The following HK2 variants were observed in gnomAD, a reference collection of about 807,000 sequenced individuals.
The protein encoded by HK2 is hexokinase-2.
A neutral mutation model predicts 92.9 loss-of-function variants in HK2; 42 were observed. That is an observed-to-expected ratio of 0.45 (90% CI 0.35 to 0.58). The LOEUF (loss-of-function observed/expected upper bound fraction) is 0.58. HK2 is among the 20% of genes least tolerant of loss of function. The pLI is 0.00. For synonymous variants in HK2, 422 were observed against 468.0 expected (o/e 0.90, Z 1.27); for missense variants, 978 against 1,245.1 (o/e 0.79, Z 3.23).
At chr2:74,881,947 C>T in intron 11 of HK2, 88 bp downstream of exon 11, 1 of 1,519,746 alleles carries the variant, frequency 6.6e-7, no homozygotes, top group Non-Finnish European at 9.1e-7. Flanking sequence ...TCATCTGTGA[C>T]CCTGGGGAGG....
chr2:74,835,767 T>G (rs1276959617), intron 1 of HK2, among the ~76,000 whole-genome samples: 4 of 152,200 alleles, frequency 2.6e-5, no homozygotes, highest in Non-Finnish European at 5.9e-5. Context: ...GGGAGGTTGT[T>G]TTAAGAGCTG....
chr2:74,845,638 C>T (rs1470353145), intron 1 of HK2, among the ~76,000 whole-genome samples: 2 of 152,232 alleles, frequency 1.3e-5, no homozygotes, highest in East Asian at 1.9e-4. Context: ...CCCGCTGCCT[C>T]GGGTTTGTGA....
chr2:74,887,641 G>A (rs562053228), intron 15 of HK2, among the ~76,000 whole-genome samples: 14 of 152,088 alleles, frequency 9.2e-5, no homozygotes, highest in African/African-American at 3.4e-4. Flanking sequence ...TCCTTTCCCT[G>A]TGGGTTCCTT....
chr2:74,860,415 C>A (rs1558794390), intron 2 of HK2, among the ~76,000 whole-genome samples: 1 of 152,336 alleles, frequency 6.6e-6, no homozygotes, highest in East Asian at 1.9e-4. Flanking sequence ...CCCAGTCAAT[C>A]CCTGTACCTG....
At chr2:74,873,819 A>T (rs1415144582) in intron 5 of HK2, 25 bp from the exon 6 acceptor site, 1 of 1,559,812 alleles carries the variant, frequency 6.4e-7, no homozygotes, top group South Asian at 1.1e-5. Context: ...GATGAAGGTC[A>T]GAGCCCTCCC....
At position 74,878,829 on chromosome 2, in the gene HK2, C is replaced by T. The variant is rs771072403; in HGVS notation, c.1173C>T (p.Ala391=). 3.1e-5 allele frequency: 49 copies of T among 1,557,726 alleles called. No individual in the cohort carries two copies. The South Asian group carries it at 3.2e-4, about 10-fold the overall frequency. Residue 391 remains alanine, a synonymous_variant, in exon 9 of 18, where the codon GCC becomes GCT. Transcript: ENST00000290573. ...RSASLCAATL[A]AVLQRIKENK... ...CCAGCCTGTGCGCAGCCACCCTGGC[C>T]GCCGTGCTGCAGCGCATCAAGGAGA...
At chr2:74,852,661 C>T (rs1425129658) in intron 1 of HK2, among the ~76,000 whole-genome samples, 1 of 151,866 alleles carries the variant, frequency 6.6e-6, no homozygotes, top group Non-Finnish European at 1.5e-5. Context: ...TAGCAAGACC[C>T]TGTCTCAAAA....
intron 2 of HK2, among the ~76,000 whole-genome samples, chr2:74,859,292 G>A (rs887060783): frequency 1.3e-5 from 2 of 152,128 alleles, no homozygotes; most frequent in African/African-American, 4.8e-5. Flanking sequence ...GGGTTCAGAC[G>A]TATACTTACA....
At chr2:74,886,241 AGGAGAATATTGGGGTTCACCTGTGAACT>A in intron 13 of HK2, 25 bp from the exon 14 acceptor site, 1 of 1,264,634 alleles carries the variant, frequency 7.9e-7, no homozygotes, top group South Asian at 1.2e-5. Context: ...ATTGTCTGAA[AGGAGAATATTGGGGTTCACCTGTGAACT>A]GGGCATCTGC....
intron 1 of HK2, 145 bp from the exon 2 acceptor site, chr2:74,854,148 G>A (rs757512015): frequency 2.0e-4 from 156 of 788,126 alleles, no homozygotes; most frequent in Non-Finnish European, 3.0e-4. Context: ...CTGTCAAATC[G>A]GTTCCTACTA....
chr2:74,863,265 T>C (rs1573371849), intron 2 of HK2, among the ~76,000 whole-genome samples: 1 of 152,238 alleles, frequency 6.6e-6, no homozygotes, highest in African/African-American at 2.4e-5. Context: ...GCTCTGTTTT[T>C]CTCTATTTTA....
At chr2:74,849,412 C>T (rs532461280) in intron 1 of HK2, among the ~76,000 whole-genome samples, 5 of 152,310 alleles carry the variant, frequency 3.3e-5, no homozygotes, top group Admixed American at 3.3e-4. Flanking sequence ...AACACGCCCT[C>T]GCTTCCTGGG....
chr2:74,861,965 T>C (rs970023374), intron 2 of HK2, among the ~76,000 whole-genome samples: 2 of 152,250 alleles, frequency 1.3e-5, no homozygotes, highest in Admixed American at 6.5e-5. Context: ...GTGAATTATG[T>C]TCACAGGTAA....
intron 4 of HK2, 134 bp from the exon 5 acceptor site, chr2:74,873,141 AG>A: frequency 1.3e-6 from 1 of 765,602 alleles, no homozygotes. Context: ...TAGGCTAGCC[AG>A]GAAGTAACAC....
At chr2:74,875,632 GA>G (rs1409806790) in intron 7 of HK2, among the ~76,000 whole-genome samples, 1 of 152,160 alleles carries the variant, frequency 6.6e-6, no homozygotes, top group African/African-American at 2.4e-5. Context: ...CCCGGCCTGA[GA>G]GTCCTTGCTT....
At chr2:74,879,693 G>T (rs983175243) in intron 9 of HK2, among the ~76,000 whole-genome samples, 1 of 152,214 alleles carries the variant, frequency 6.6e-6, no homozygotes, top group African/African-American at 2.4e-5. Context: ...TGGAGACCAT[G>T]GCTCCAAGTG....
Position 74,878,235 on chromosome 2 carries a change from G to A in HK2, c.1032-453G>A, listed in dbSNP as rs111241125. The stretch of plus-strand genomic sequence containing the variant: ...AGAGAGAAACCAGGTGGGCATCACC[G>A]CAGGGTTCACATGTTGAGAGTGGCT... On this transcript the variant is annotated intron_variant, in intron 8 of 17. Transcript: ENST00000290573. Among the ~76,000 whole-genome samples the A allele has an allele frequency of 1.4e-3, 210 of 152,288 alleles. 2 individuals carry two copies. Among genetic ancestry groups the A allele is most frequent in the African/African-American group, 4.6e-3 (192 of 41,548 alleles).
intron 3 of HK2, among the ~76,000 whole-genome samples, chr2:74,871,117 G>A (rs902019208): frequency 1.3e-5 from 2 of 152,312 alleles, no homozygotes; most frequent in South Asian, 2.1e-4. Context: ...CCTGGAGGGC[G>A]GAAGGCTTGC....
chr2:74,859,297 C>T (rs1412994991), intron 2 of HK2, among the ~76,000 whole-genome samples: 2 of 152,178 alleles, frequency 1.3e-5, no homozygotes, highest in Admixed American at 6.5e-5. Context: ...CAGACGTATA[C>T]TTACATAGTA....
Sources: allele counts gnomAD v4.1 joint callset (sites outside exome capture counted in the v4.1 genomes callset), GRCh38; gene constraint gnomAD v4.1.1; transcripts MANE v1.5; gene names NCBI Gene and HGNC (gene_info 2026-07-23, HGNC 2026-07-21).